Variants in GATAD1 observed in about 807,000 individuals in gnomAD.
GATAD1 encodes the protein GATA zinc finger domain-containing protein 1.
GATAD1 carries 12 observed loss-of-function variants against 26.5 expected under a neutral mutation model. The ratio of observed to expected loss-of-function variants is 0.45; its 90% CI spans 0.29 to 0.73. The LOEUF is 0.73. GATAD1 is among the 30% of genes least tolerant of loss of function. The pLI, the probability that GATAD1 is intolerant of heterozygous loss-of-function variation, is 0.10. For synonymous variants in GATAD1, 129 were observed against 133.1 expected (o/e 0.97, Z 0.21); for missense variants, 266 against 342.1 (o/e 0.78, Z 1.75).
the GATAD1 span, chr7:92,491,456 AC>A: frequency 6.2e-7 from 1 of 1,613,664 alleles, no homozygotes; most frequent in Non-Finnish European, 8.5e-7. Context: ...GTTAAGAAAG[AC>A]CATTGAAGAC....
At chr7:92,448,979 C>A in intron 2 of GATAD1, 102 bp downstream of exon 2, 1 of 1,278,298 alleles carries the variant, frequency 7.8e-7, no homozygotes, top group Non-Finnish European at 1.1e-6. Context: ...CCCTTGGTAG[C>A]CCTTCCTTAG....
chr7:92,487,348 C>A, the GATAD1 span: 1 of 646,376 alleles, frequency 1.5e-6, no homozygotes, highest in Non-Finnish European at 2.8e-6. Flanking sequence ...ATAAATTAAC[C>A]AAATTTGTTA....
rs1789764626 is a variant in GATAD1 at position 92,458,149 on chromosome 7, AG to A, written c.*1588del. On this transcript the variant is annotated 3_prime_UTR_variant, in exon 5 of 5. Coordinates refer to ENST00000287957, the MANE Select transcript of GATAD1 (RefSeq NM_021167.5). Reference sequence around the variant, plus strand: ...AAGACTGTCTCAAAAAAGAAAAAAAAGAAAAAATTTTAATTTAATCCTTCTG... The same window carrying A: ...AAGACTGTCTCAAAAAAGAAAAAAAAAAAAAATTTTAATTTAATCCTTCTG... The A allele has an allele frequency of 6.7e-6, 1 of 150,294 alleles. No homozygotes were observed. The highest frequency in any genetic ancestry group is 1.5e-5 in the Non-Finnish European group (1 of 67,840). The allele number at this position is 150,294 out of a possible 1,614,324, so 9.3% of individuals were successfully genotyped here.
At chr7:92,494,759 A>T in the GATAD1 span, 2 of 485,590 alleles carry the variant, frequency 4.1e-6, no homozygotes, top group South Asian at 1.0e-4. Flanking sequence ...AATTTTTACA[A>T]CAAACCCTTA....
chr7:92,494,368 G>A, the GATAD1 span: 1 of 1,613,950 alleles, frequency 6.2e-7, no homozygotes, highest in East Asian at 2.2e-5. Flanking sequence ...TCAAGTCAGG[G>A]CGACTAGTAG....
the GATAD1 span, among the ~76,000 whole-genome samples, chr7:92,490,822 T>G: frequency 6.6e-6 from 1 of 152,174 alleles, no homozygotes; most frequent in Non-Finnish European, 1.5e-5. Flanking sequence ...ATCAAAACAC[T>G]TTCCTGTTGA....
the GATAD1 span, chr7:92,494,755 T>C: frequency 1.9e-6 from 1 of 513,280 alleles, no homozygotes; most frequent in South Asian, 4.7e-5. Context: ...TTTTAATTTT[T>C]ACAACAAACC....
Position 92,449,170 on chromosome 7 carries a change from C to T in GATAD1, c.375+293C>T, listed in dbSNP as rs527400756. ...CCTTGAGCCCATTTTTTGGGGTTCT[C>T]TATGGAAAGGAAGAGGAGAGATTAT... On this transcript the variant is annotated intron_variant, in intron 2 of 4. Coordinates refer to ENST00000287957, the MANE Select transcript of GATAD1 (RefSeq NM_021167.5). The T allele has an allele frequency of 1.2e-5, 13 of 1,075,338 alleles. No individual in the cohort carries two copies. In the African/African-American group the frequency reaches 1.8e-4, roughly 15 times the overall value. 66.6% of individuals were successfully genotyped at this position (1,075,338 alleles called of 1,614,324 possible).
the GATAD1 span, among the ~76,000 whole-genome samples, chr7:92,468,176 G>A: frequency 6.6e-6 from 1 of 152,210 alleles, no homozygotes; most frequent in Admixed American, 6.5e-5. Flanking sequence ...ATGAACCCAG[G>A]CACTTAGCCA....
At chr7:92,450,998 T>C (rs1399646653) in intron 3 of GATAD1, among the ~76,000 whole-genome samples, 1 of 152,192 alleles carries the variant, frequency 6.6e-6, no homozygotes, top group African/African-American at 2.4e-5. Flanking sequence ...CTTAAGTATT[T>C]TTTTTTAGTG....
the GATAD1 span, chr7:92,469,515 G>A: frequency 1.3e-6 from 1 of 768,346 alleles, no homozygotes; most frequent in Non-Finnish European, 2.4e-6. Flanking sequence ...AGAATGAGAG[G>A]AAGCACATAG....
Position 92,459,597 on chromosome 7 carries a change from A to G in GATAD1, c.*3035A>G, listed in dbSNP as rs1789840630. 6.6e-6 allele frequency among the ~76,000 whole-genome samples: 1 copy of G among 152,012 alleles called. No individual in the cohort carries two copies. Among genetic ancestry groups the G allele is most frequent in the East Asian group, 1.9e-4 (1 of 5,190 alleles). ...TGTTCATACTGTTCTCTCCAATTCT[A>G]CCTTCCAAAGGCCTTTCTTAACACC... On this transcript the variant is annotated 3_prime_UTR_variant, in exon 5 of 5. Coordinates refer to ENST00000287957, the MANE Select transcript of GATAD1 (RefSeq NM_021167.5).
the GATAD1 span, among the ~76,000 whole-genome samples, chr7:92,488,372 C>A: frequency 1.3e-5 from 2 of 152,118 alleles, no homozygotes; most frequent in Non-Finnish European, 2.9e-5. Flanking sequence ...TACATACATA[C>A]TTCAAAGTAC....
At chr7:92,473,493 G>A in the GATAD1 span, among the ~76,000 whole-genome samples, 1 of 151,920 alleles carries the variant, frequency 6.6e-6, no homozygotes, top group Non-Finnish European at 1.5e-5. Flanking sequence ...TCCTTCTGTT[G>A]CCCAGACTTC....
chr7:92,478,218 A>C, the GATAD1 span, among the ~76,000 whole-genome samples: 1 of 152,158 alleles, frequency 6.6e-6, no homozygotes, highest in Non-Finnish European at 1.5e-5. Flanking sequence ...CTGTATCTCC[A>C]GGCGTTTTGC....
At position 92,457,810 on chromosome 7, in the gene GATAD1, T is replaced by G. The variant is rs1178896938; in HGVS notation, c.*1248T>G. On this transcript the variant is annotated 3_prime_UTR_variant, in exon 5 of 5. Transcript: ENST00000287957. ...CTGCTTTAACCATAAGAAAAATGAT[T>G]GGTGGATGATTTTATTAGCCCAGGC... The G allele has an allele frequency of 1.3e-5, 2 of 152,190 alleles. No homozygotes were observed. Among genetic ancestry groups the G allele is most frequent in the South Asian group, 4.1e-4 (2 of 4,828 alleles). The allele number at this position is 152,190 out of a possible 1,614,324, so 9.4% of individuals were successfully genotyped here.
chr7:92,453,865 A>G (rs1789544868), intron 3 of GATAD1, among the ~76,000 whole-genome samples: 1 of 152,226 alleles, frequency 6.6e-6, no homozygotes, highest in African/African-American at 2.4e-5. Context: ...ACTGTGGCTA[A>G]CAAAGTAGGG....
chr7:92,472,940 T>A, the GATAD1 span: 5 of 152,308 alleles, frequency 3.3e-5, no homozygotes, highest in African/African-American at 1.2e-4. Context: ...CAAAAGTAAA[T>A]CATCCACCTA....
chr7:92,485,005 A>G, the GATAD1 span, among the ~76,000 whole-genome samples: 79 of 151,666 alleles, frequency 5.2e-4, no homozygotes, highest in African/African-American at 1.9e-3. Flanking sequence ...GTGGAAAATT[A>G]TAATCAAAGG....
Sources: allele counts gnomAD v4.1 joint callset (sites outside exome capture counted in the v4.1 genomes callset), GRCh38; gene constraint gnomAD v4.1.1; transcripts MANE v1.5; gene names NCBI Gene and HGNC (gene_info 2026-07-23, HGNC 2026-07-21).